CIT: variants seen among roughly 807,000 people sequenced by gnomAD.
The protein encoded by CIT is citron Rho-interacting kinase.
In CIT, 79 loss-of-function variants were observed where a neutral mutation model predicts 272.7. The observed-to-expected ratio is 0.29, with a 90% CI of 0.24 to 0.35. The LOEUF is 0.35. CIT is among the 10% of genes least tolerant of loss of function. The pLI is 1.00. For missense variants in CIT, 1,909 were observed against 2,618.3 expected, an observed-to-expected ratio of 0.73 and a Z score of 5.91; for synonymous variants, 948 against 995.6, an observed-to-expected ratio of 0.95 and a Z score of 0.90.
Position 119,768,400 on chromosome 12 carries a change from T to C in CIT, c.2209-1218A>G, listed in dbSNP as rs2137562305. Among the ~76,000 whole-genome samples, 1 of 152,374 alleles carries C rather than the reference T, an allele frequency of 6.6e-6. No individual in the cohort carries two copies. Among genetic ancestry groups the C allele is most frequent in the East Asian group, 1.9e-4 (1 of 5,194 alleles). ...TTAATTACTAATATCAAGTCATTAC[T>C]CCAAGTTTTCAACTCTTTATACTAT... On this transcript the variant is annotated intron_variant, in intron 18 of 47. Transcript: ENST00000392521. This position sits in a 1 kb window ranked among gnomAD's most constrained non-coding sequence, Gnocchi z 4.3.
chr12:119,856,989 A>G (rs145733120), intron 4 of CIT, among the ~76,000 whole-genome samples: 1 of 152,252 alleles, frequency 6.6e-6, no homozygotes, highest in African/African-American at 2.4e-5. Context: ...AAATGAATCA[A>G]TATGTCTAGA....
intron 2 of CIT, among the ~76,000 whole-genome samples, chr12:119,872,311 G>C (rs1247453375): frequency 2.0e-5 from 3 of 152,084 alleles, no homozygotes; most frequent in Non-Finnish European, 4.4e-5. Flanking sequence ...GGCTCAGAAA[G>C]TCTGACAATC....
In CIT at chr12:119,871,171, G is replaced by A. The variant is rs533410548; in HGVS notation, c.97-1970C>T. On this transcript the variant is annotated intron_variant, in intron 2 of 47. Coordinates refer to ENST00000392521, the MANE Select transcript of CIT (RefSeq NM_001206999.2). ...GGGCTATACTACTGAAAGACCTCAT[G>A]GAGAAGAGAGGCCATGTGAGAAACA... is the stretch of plus-strand genomic sequence containing the variant. 4.0e-5 allele frequency among the ~76,000 whole-genome samples: 6 copies of A among 151,342 alleles called. No homozygotes were observed. In the South Asian group the frequency reaches 1.3e-3, roughly 32 times the overall value.
chr12:119,807,991 G>A (rs1188679923), intron 9 of CIT, among the ~76,000 whole-genome samples: 2 of 152,104 alleles, frequency 1.3e-5, no homozygotes, highest in East Asian at 1.9e-4. Flanking sequence ...CTTAGTGGCA[G>A]AGGCTATACA....
intron 43 of CIT, 110 bp downstream of exon 43, chr12:119,701,514 C>A: frequency 1.6e-6 from 2 of 1,257,964 alleles, no homozygotes; most frequent in African/African-American, 1.5e-5. Context: ...TCTCTGTACC[C>A]CTAGTCAAAC....
chr12:119,772,795 A>T lies in CIT; in HGVS notation c.2057T>A (p.Ile686Asn), dbSNP rs771033088. 5.6e-6 allele frequency: 9 copies of T among 1,613,446 alleles called. No homozygotes were observed. The East Asian group carries it at 1.8e-4, about 32-fold the overall frequency. ...LQNREDSSEG[I>N]RKKLVEAEER... ...CTCAGCTTCCACCAGCTTCTTTCTGATGCCTTCAGAAGAATCCTCTCGGTT... is the reference window on the plus strand; with the variant it reads ...CTCAGCTTCCACCAGCTTCTTTCTGTTGCCTTCAGAAGAATCCTCTCGGTT... The change falls in exon 17 of 48, where the codon ATC (isoleucine) becomes AAC (asparagine). Residue 686 changes from isoleucine (I) to asparagine (N), a missense_variant. By Grantham distance (149) the Ile-to-Asn change is moderately radical. Around this residue, in one of 8 missense-constraint regions of CIT, gnomAD observed 530 missense variants for 822.4 expected, o/e 0.64. Coordinates refer to ENST00000392521, the MANE Select transcript of CIT (RefSeq NM_001206999.2).
rs7297192 is a variant in CIT at position 119,714,595 on chromosome 12, C to T, written c.4169-261G>A. ...CAAATGAAAAGATGCTCAACATTAT[C>T]AGTCGTTAGAGAGATGTGAATCAAA... On this transcript the variant is annotated intron_variant, in intron 32 of 47. Coordinates refer to ENST00000392521, the MANE Select transcript of CIT (RefSeq NM_001206999.2). Among the ~76,000 whole-genome samples the T allele has an allele frequency of 0.14, 20,562 of 152,076 alleles. 3,226 individuals are homozygous for T. The highest frequency in any genetic ancestry group is 0.38 in the African/African-American group (15,937 of 41,428).
At chr12:119,775,075 C>T (rs1036413791) in intron 16 of CIT, among the ~76,000 whole-genome samples, 1 of 152,090 alleles carries the variant, frequency 6.6e-6, no homozygotes, top group African/African-American at 2.4e-5. Context: ...GAGTTCGAGA[C>T]CAGCCTGACC....
intron 7 of CIT, among the ~76,000 whole-genome samples, chr12:119,826,415 G>A (rs1968165089): frequency 6.6e-6 from 1 of 152,014 alleles, no homozygotes; most frequent in Non-Finnish European, 1.5e-5. Context: ...CTTTTTTTCT[G>A]AGAATTTGTC....
At chr12:119,761,085 C>T in intron 19 of CIT, 30 bp from the exon 20 acceptor site, 1 of 1,498,604 alleles carries the variant, frequency 6.7e-7, no homozygotes, top group Non-Finnish European at 9.3e-7. Context: ...AGCAAATGTT[C>T]TCAGGAGCCA....
Position 119,869,306 on chromosome 12 carries a change from C to A in CIT, c.97-105G>T, listed in dbSNP as rs1245672434. On this transcript the variant is annotated intron_variant, in intron 2 of 47. Coordinates refer to ENST00000392521, the MANE Select transcript of CIT (RefSeq NM_001206999.2). Reference sequence around the variant, plus strand: ...CAAGCCACCAACTCAACTAACTGCTCACGACATGCTAACAGCACAATTCTG... The same window carrying A: ...CAAGCCACCAACTCAACTAACTGCTAACGACATGCTAACAGCACAATTCTG... 6 of 1,087,054 alleles carry A rather than the reference C, an allele frequency of 5.5e-6. 1 individual carries two copies. In the Admixed American group the frequency reaches 1.5e-4, roughly 28 times the overall value. 67.3% of individuals were successfully genotyped at this position (1,087,054 alleles called of 1,614,324 possible). A position where few individuals can be genotyped will look rare whatever the true frequency, so the allele number is the denominator to read the frequency against.
chr12:119,770,775 TC>T lies in CIT; in HGVS notation c.2208+9del. On this transcript the variant is annotated intron_variant, in intron 18 of 47. Transcript: ENST00000392521. The surrounding 1 kb of genome is among the most constrained non-coding windows in gnomAD (Gnocchi z 4.4). ...TATCTTTTAACTTTGCGACTTTCAT[TC>T]CTGCTCACCAGAATTTTATCAGCCA... 1.2e-6 allele frequency: 2 copies of T among 1,612,830 alleles called. No homozygotes were observed. The highest frequency in any genetic ancestry group is 1.7e-6 in the Non-Finnish European group (2 of 1,179,862).
At chr12:119,748,883 T>G (rs934334173) in intron 23 of CIT, among the ~76,000 whole-genome samples, 2 of 152,240 alleles carry the variant, frequency 1.3e-5, no homozygotes, top group African/African-American at 4.8e-5. Context: ...TTCAGAGTGA[T>G]GCTTATACCA....
intron 26 of CIT, 67 bp downstream of exon 26, chr12:119,734,097 C>T: frequency 2.0e-6 from 3 of 1,522,274 alleles, no homozygotes; most frequent in Non-Finnish European, 2.7e-6. Context: ...ATCACCCTGT[C>T]CACAACTCTC....
chr12:119,789,756 G>T (rs1965138010), intron 10 of CIT, among the ~76,000 whole-genome samples: 1 of 152,038 alleles, frequency 6.6e-6, no homozygotes, highest in African/African-American at 2.4e-5. Flanking sequence ...CACCAGGCTG[G>T]AGTGCAGTGG....
intron 4 of CIT, among the ~76,000 whole-genome samples, chr12:119,853,010 C>T (rs1479155863): frequency 6.6e-6 from 1 of 151,948 alleles, no homozygotes. Flanking sequence ...CTACTGGTTC[C>T]ATTTCTCTTA....
At position 119,713,933 on chromosome 12, in the gene CIT, GGTAGGGA is replaced by G; in HGVS notation, c.4306+257_4306+263del. The G allele has an allele frequency of 1.6e-6, 1 of 606,426 alleles. No homozygotes were observed. The highest frequency in any genetic ancestry group is 2.9e-6 in the Non-Finnish European group (1 of 344,010). The allele number at this position is 606,426 out of a possible 1,614,324, so 37.6% of individuals were successfully genotyped here. A position where few individuals can be genotyped will look rare whatever the true frequency, so the allele number is the denominator to read the frequency against. ...ATGTTTCAGTTGGAGTCAGCGGAAA[GGTAGGGA>G]GAGACCAGCCTGACAAAAAGGGGCT... On this transcript the variant is annotated intron_variant, in intron 33 of 47. Transcript: ENST00000392521. The surrounding 1 kb of genome is among the most constrained non-coding windows in gnomAD (Gnocchi z 5.2).
intron 16 of CIT, 107 bp from the exon 17 acceptor site, chr12:119,773,017 A>AG: frequency 1.0e-6 from 1 of 986,174 alleles, no homozygotes. Context: ...TATAATCTAA[A>AG]AAAAAAAAAA....
In CIT at chr12:119,700,780, T is replaced by C. The variant is rs770406109; in HGVS notation, c.5588A>G (p.Asp1863Gly). The change falls in exon 44 of 48, where the codon GAC becomes GGC. Residue 1863 changes from aspartate to glycine, a missense_variant. Transcript: ENST00000392521. ...AGGTAAGCGACTCCACTTGAGATCG[T>C]CTGTGCGGCTACGTCTTCCGTAAGA... Reference protein sequence around the residue: ...VDSYGRRSRTDDLKWSRLPLA... With the variant: ...VDSYGRRSRTGDLKWSRLPLA... 6.2e-7 allele frequency: 1 copy of C among 1,614,024 alleles called. No individual in the cohort carries two copies.
Sources: gnomAD v4.1 joint callset for allele counts (sites outside exome capture counted in the v4.1 genomes callset) on GRCh38, gnomAD v4.1.1 for gene constraint, gnomAD v4.1.1 regional missense constraint, Gnocchi (gnomAD v3.1) non-coding constraint, MANE v1.5 for transcripts, NCBI Gene and HGNC (gene_info 2026-07-23, HGNC 2026-07-21) for gene names.